Variants in SLC14A2 observed in about 807,000 individuals in gnomAD.
The protein encoded by SLC14A2 is urea transporter 2.
In SLC14A2, 91 loss-of-function variants were observed where a neutral mutation model predicts 104.6. The observed-to-expected ratio is 0.87, with a 90% CI of 0.73 to 1.04. The LOEUF (loss-of-function observed/expected upper bound fraction) is 1.04, where lower values mean the gene tolerates loss of function less well. SLC14A2 is among the 50% of genes least tolerant of loss of function. The probability of loss-of-function intolerance (pLI) is 0.00; values close to 1 mark genes in which losing one functional copy is unlikely to be tolerated. For missense variants in SLC14A2, 1,189 were observed against 1,156.0 expected, an observed-to-expected ratio of 1.03 and a Z score of -0.41; for synonymous variants, 476 against 466.4, an observed-to-expected ratio of 1.02 and a Z score of -0.27.
intron 1 of SLC14A2, among the ~76,000 whole-genome samples, chr18:45,225,601 A>G (rs2084107493): frequency 6.6e-6 from 1 of 152,040 alleles, no homozygotes; most frequent in African/African-American, 2.4e-5. Context: ...CATTCTCATG[A>G]TATTGATTCT....
At chr18:45,261,842 A>G (rs564422125) in intron 1 of SLC14A2, among the ~76,000 whole-genome samples, 1 of 152,154 alleles carries the variant, frequency 6.6e-6, no homozygotes, top group Non-Finnish European at 1.5e-5. Context: ...AGTCTTTGCT[A>G]TTGTGAATAG....
chr18:45,540,245 C>A (rs1818960161), intron 2 of SLC14A2, among the ~76,000 whole-genome samples: 1 of 152,228 alleles, frequency 6.6e-6, no homozygotes, highest in South Asian at 2.1e-4. Context: ...CTTCCTGGCC[C>A]CCTTGCCCAG....
chr18:45,230,450 G>T (rs575063829), intron 1 of SLC14A2, among the ~76,000 whole-genome samples: 25 of 152,264 alleles, frequency 1.6e-4, no homozygotes, highest in Admixed American at 3.9e-4. Context: ...CAGTGACATT[G>T]CATCTGTCTA....
intron 2 of SLC14A2, among the ~76,000 whole-genome samples, chr18:45,598,419 C>G (rs372872808): frequency 6.6e-5 from 10 of 152,220 alleles, no homozygotes; most frequent in African/African-American, 2.2e-4. Flanking sequence ...CTACAAATTT[C>G]TTAGGTGGGC....
At position 45,414,243 on chromosome 18, in the gene SLC14A2, C is replaced by G. The variant is rs1294434009; in HGVS notation, c.-124-68990C>G. 3.3e-5 allele frequency among the ~76,000 whole-genome samples: 5 copies of G among 152,322 alleles called. No homozygotes were observed. In the East Asian group the frequency reaches 7.7e-4, roughly 24 times the overall value. On this transcript the variant is annotated intron_variant, in intron 1 of 20. Coordinates refer to the SLC14A2 transcript ENST00000586448. ...CTCCAGGCATGGATGTCAAGCCTGG[C>G]ACTCAACATGCACAATTGCTGGACT...
intron 2 of SLC14A2, among the ~76,000 whole-genome samples, chr18:45,494,959 C>G (rs565386632): frequency 6.6e-6 from 1 of 150,614 alleles, no homozygotes; most frequent in African/African-American, 2.4e-5. Flanking sequence ...TAATGGATCT[C>G]CATAATATAA....
intron 1 of SLC14A2, among the ~76,000 whole-genome samples, chr18:45,340,766 G>GA (rs1263275755): frequency 6.6e-6 from 1 of 152,192 alleles, no homozygotes; most frequent in African/African-American, 2.4e-5. Context: ...GTAGTATGGA[G>GA]AAAAGAGTAC....
intron 1 of SLC14A2, among the ~76,000 whole-genome samples, chr18:45,355,432 GC>G (rs2144315406): frequency 1.3e-5 from 2 of 151,924 alleles, no homozygotes; most frequent in South Asian, 4.2e-4. Flanking sequence ...TAAAAAATTA[GC>G]CAGGCATGGT....
intron 2 of SLC14A2, among the ~76,000 whole-genome samples, chr18:45,530,558 G>A (rs901550442): frequency 6.6e-6 from 1 of 152,076 alleles, no homozygotes. Flanking sequence ...CTAGTCTTCT[G>A]TAAGTCTTGG....
At chr18:45,442,284 T>C (rs1318137730) in intron 1 of SLC14A2, among the ~76,000 whole-genome samples, 1 of 152,202 alleles carries the variant, frequency 6.6e-6, no homozygotes, top group East Asian at 1.9e-4. Flanking sequence ...TGCCGCAAAC[T>C]GGATGGCTTA....
chr18:45,335,198 C>T (rs963695041), intron 1 of SLC14A2, among the ~76,000 whole-genome samples: 2 of 152,150 alleles, frequency 1.3e-5, no homozygotes, highest in African/African-American at 2.4e-5. Context: ...CCACCCACTC[C>T]AAGCAGCCTC....
chr18:45,194,759 C>T, the SLC14A2 span, among the ~76,000 whole-genome samples: 2 of 149,518 alleles, frequency 1.3e-5, no homozygotes, highest in East Asian at 2.0e-4. Flanking sequence ...CATTCTTCTG[C>T]CTCAGCCTCC....
intron 2 of SLC14A2, among the ~76,000 whole-genome samples, chr18:45,583,216 C>T (rs538848930): frequency 1.3e-5 from 2 of 152,330 alleles, no homozygotes; most frequent in Admixed American, 6.5e-5. Flanking sequence ...ACCTCCCAGG[C>T]CATGGCAACT....
intron 1 of SLC14A2, among the ~76,000 whole-genome samples, chr18:45,457,990 A>G (rs1178412366): frequency 1.3e-5 from 2 of 152,190 alleles, no homozygotes; most frequent in African/African-American, 4.8e-5. Context: ...GCAGACACAC[A>G]CATGTGAGCC....
intron 1 of SLC14A2, among the ~76,000 whole-genome samples, chr18:45,336,944 T>C (rs1294959553): frequency 3.3e-5 from 5 of 151,966 alleles, no homozygotes; most frequent in African/African-American, 1.2e-4. Flanking sequence ...GCTGTTAAAG[T>C]GGCTCCAATG....
At chr18:45,286,439 G>A (rs76392781) in intron 1 of SLC14A2, among the ~76,000 whole-genome samples, 2,066 of 152,176 alleles carry the variant, frequency 0.014, 28 homozygotes, top group East Asian at 0.029. Flanking sequence ...ACTAAAACTC[G>A]ATTTGTAATT....
intron 1 of SLC14A2, among the ~76,000 whole-genome samples, chr18:45,267,047 A>G (rs781380455): frequency 6.6e-6 from 1 of 152,174 alleles, no homozygotes; most frequent in African/African-American, 2.4e-5. Flanking sequence ...AGGTTCTCCA[A>G]TCATACTAGT....
chr18:45,351,362 G>A (rs1474621121), intron 1 of SLC14A2, among the ~76,000 whole-genome samples: 1 of 151,834 alleles, frequency 6.6e-6, no homozygotes, highest in African/African-American at 2.4e-5. Flanking sequence ...TTTTTTGTTT[G>A]TTTGTTTTGA....
chr18:45,350,162 C>T (rs2085488318), intron 1 of SLC14A2, among the ~76,000 whole-genome samples: 1 of 152,196 alleles, frequency 6.6e-6, no homozygotes, highest in African/African-American at 2.4e-5. Context: ...GGAGCATTTC[C>T]TATGACTGAA....
Sources: allele counts gnomAD v4.1 joint callset (sites outside exome capture counted in the v4.1 genomes callset), GRCh38; gene constraint gnomAD v4.1.1; transcripts MANE v1.5; gene names NCBI Gene and HGNC (gene_info 2026-07-23, HGNC 2026-07-21).